Variants in STK24 observed in about 807,000 individuals in gnomAD.
The protein encoded by STK24 is serine/threonine kinase 24.
STK24 carries 21 observed loss-of-function variants against 55.6 expected under a neutral mutation model. The ratio of observed to expected loss-of-function variants is 0.38; its 90% CI spans 0.27 to 0.54. STK24 has a LOEUF of 0.54. STK24 is among the 20% of genes least tolerant of loss of function. The pLI, the probability that STK24 is intolerant of heterozygous loss-of-function variation, is 0.79. For missense variants in STK24, 383 were observed against 538.4 expected (o/e 0.71, Z 2.86); for synonymous variants, 200 against 215.2 (o/e 0.93, Z 0.62).
In STK24 at chr13:98,453,153, C is replaced by T. The variant is rs531000805; in HGVS notation, c.*20G>A. ...AAGAAGGAAAAAAGGAAAAACAAAACCCCAAATGCCAAAGGAATTTCAGTG... is the reference window on the plus strand; with the variant it reads ...AAGAAGGAAAAAAGGAAAAACAAAATCCCAAATGCCAAAGGAATTTCAGTG... On this transcript the variant is annotated 3_prime_UTR_variant, in exon 11 of 11. Transcript: ENST00000539966. 46 of 1,613,518 alleles carry T rather than the reference C, an allele frequency of 2.9e-5. No individual in the cohort carries two copies. Among genetic ancestry groups the T allele is most frequent in the Non-Finnish European group, 3.4e-5 (40 of 1,179,770 alleles).
At chr13:98,503,002 A>G (rs1050126496) in intron 2 of STK24, among the ~76,000 whole-genome samples, 3 of 145,774 alleles carry the variant, frequency 2.1e-5, no homozygotes, top group African/African-American at 7.9e-5. Flanking sequence ...CATAATGAAT[A>G]TATTAGAAAT....
intron 1 of STK24, among the ~76,000 whole-genome samples, chr13:98,569,458 G>A (rs764387710): frequency 3.9e-4 from 58 of 149,822 alleles, no homozygotes; most frequent in Non-Finnish European, 6.9e-4. Flanking sequence ...TTCAACACAA[G>A]AGAGCAGCAG....
chr13:98,535,197 C>T (rs925994961), intron 1 of STK24, among the ~76,000 whole-genome samples: 13 of 151,986 alleles, frequency 8.6e-5, no homozygotes, highest in Non-Finnish European at 1.8e-4. Context: ...ATTAGCTGGG[C>T]GTGGTGGCAC....
rs116086933 is a variant in STK24, at chr13:98,495,761, T to A, written c.274-13440A>T. Among the ~76,000 whole-genome samples, 877 of 152,340 alleles carry A rather than the reference T, an allele frequency of 5.8e-3. 8 individuals carry two copies. The highest frequency in any genetic ancestry group is 0.02 in the African/African-American group (842 of 41,568). ...CACTAAGCCTACAATTTTTACCCCATAATTGATTGCGAAATGAAATGTACG... is the reference window on the plus strand; with the variant it reads ...CACTAAGCCTACAATTTTTACCCCAAAATTGATTGCGAAATGAAATGTACG... On this transcript the variant is annotated intron_variant, in intron 2 of 10. Coordinates refer to ENST00000539966, the MANE Select transcript of STK24 (RefSeq NM_001032296.4).
intron 10 of STK24, 69 bp from the exon 11 acceptor site, chr13:98,453,278 T>C: frequency 1.3e-6 from 2 of 1,496,400 alleles, no homozygotes; most frequent in South Asian, 2.4e-5. Context: ...ATTCATATAG[T>C]AACCAAAATC....
intron 1 of STK24, among the ~76,000 whole-genome samples, chr13:98,520,660 T>A (rs990954387): frequency 1.3e-5 from 2 of 152,248 alleles, no homozygotes; most frequent in Non-Finnish European, 2.9e-5. Flanking sequence ...ATGAGTGACG[T>A]GAGCCTCAGG....
chr13:98,498,079 A>G (rs1467792530), intron 2 of STK24, among the ~76,000 whole-genome samples: 1 of 152,172 alleles, frequency 6.6e-6, no homozygotes, highest in Non-Finnish European at 1.5e-5. Context: ...CTCTCATCTG[A>G]TTGGATCTTA....
At chr13:98,512,744 T>C (rs1161819655) in intron 2 of STK24, among the ~76,000 whole-genome samples, 4 of 152,128 alleles carry the variant, frequency 2.6e-5, no homozygotes, top group Non-Finnish European at 4.4e-5. Flanking sequence ...GGTGAGGACC[T>C]CCAGTCACAC....
At chr13:98,538,192 C>T (rs1162217331) in intron 1 of STK24, among the ~76,000 whole-genome samples, 3 of 103,310 alleles carry the variant, frequency 2.9e-5, no homozygotes, top group Non-Finnish European at 6.5e-5. Flanking sequence ...TATTCTCCAT[C>T]GGCTAGGTCA....
chr13:98,505,196 A>C (rs1895640776), intron 2 of STK24: 1 of 152,258 alleles, frequency 6.6e-6, no homozygotes. Context: ...CAAGGTATAA[A>C]GGAGACGAGA....
chr13:98,527,767 G>T (rs750040281), intron 1 of STK24, among the ~76,000 whole-genome samples: 12 of 152,212 alleles, frequency 7.9e-5, no homozygotes, highest in Non-Finnish European at 5.9e-5. Flanking sequence ...GCACCACCCA[G>T]CCACAGACGC....
intron 1 of STK24, among the ~76,000 whole-genome samples, chr13:98,541,768 T>G (rs1594655003): frequency 6.6e-6 from 1 of 152,256 alleles, no homozygotes; most frequent in South Asian, 2.1e-4. Context: ...TCCATGACAC[T>G]TTACCCTTTT....
At chr13:98,545,452 G>T (rs571257903) in intron 1 of STK24, among the ~76,000 whole-genome samples, 1 of 152,200 alleles carries the variant, frequency 6.6e-6, no homozygotes, top group Admixed American at 6.5e-5. Context: ...CCAGATCACG[G>T]TGAAACCCCG....
intron 1 of STK24, among the ~76,000 whole-genome samples, chr13:98,561,439 C>A (rs924198720): frequency 2.6e-5 from 4 of 151,598 alleles, no homozygotes; most frequent in Non-Finnish European, 5.9e-5. Flanking sequence ...AAGCATTAGC[C>A]GGTCGTGAGG....
At chr13:98,511,769 T>C (rs1486906743) in intron 2 of STK24, among the ~76,000 whole-genome samples, 5 of 151,318 alleles carry the variant, frequency 3.3e-5, no homozygotes, top group African/African-American at 1.2e-4. Flanking sequence ...GTGACTGCCA[T>C]GGGCGGGGGA....
At chr13:98,509,234 T>C (rs1895794303) in intron 2 of STK24, among the ~76,000 whole-genome samples, 1 of 152,062 alleles carries the variant, frequency 6.6e-6, no homozygotes, top group Non-Finnish European at 1.5e-5. Flanking sequence ...TTAATAGAAA[T>C]GGAAATAAAC....
intron 2 of STK24, among the ~76,000 whole-genome samples, chr13:98,494,088 C>G (rs1296618096): frequency 1.3e-4 from 20 of 148,270 alleles, no homozygotes; most frequent in Admixed American, 1.2e-3. Flanking sequence ...GTGATCCGCC[C>G]GCCTCGGCCT....
At chr13:98,457,636 G>C (rs913413617) in intron 9 of STK24, among the ~76,000 whole-genome samples, 5 of 152,060 alleles carry the variant, frequency 3.3e-5, no homozygotes, top group Admixed American at 2.6e-4. Context: ...TGCCCAGCTA[G>C]TTTTTGTATT....
intron 1 of STK24, among the ~76,000 whole-genome samples, chr13:98,539,425 C>T (rs1323712288): frequency 2.0e-5 from 3 of 152,178 alleles, no homozygotes; most frequent in African/African-American, 7.2e-5. Context: ...CCTTTATCTT[C>T]AGTGCTCTCA....
Sources: allele counts gnomAD v4.1 joint callset (sites outside exome capture counted in the v4.1 genomes callset), GRCh38; gene constraint gnomAD v4.1.1; transcripts MANE v1.5; gene names NCBI Gene and HGNC (gene_info 2026-07-23, HGNC 2026-07-21).